ZRANB3: variants seen among roughly 807,000 people sequenced by gnomAD.
ZRANB3 encodes the protein zinc finger RANBP2-type containing 3.
In ZRANB3, 125 loss-of-function variants were observed where a neutral mutation model predicts 133.8. The observed-to-expected ratio is 0.93, with a 90% CI of 0.81 to 1.08. ZRANB3 has a LOEUF of 1.08. Ranked by LOEUF, ZRANB3 falls within the 50% of genes least tolerant of loss-of-function variation. The pLI, the probability that ZRANB3 is intolerant of heterozygous loss-of-function variation, is 0.00. For missense variants in ZRANB3, 1,229 were observed against 1,275.5 expected, an observed-to-expected ratio of 0.96 and a Z score of 0.56; for synonymous variants, 387 against 432.7, an observed-to-expected ratio of 0.89 and a Z score of 1.31.
At chr2:135,339,591 C>A (rs1454356616) in intron 6 of ZRANB3, among the ~76,000 whole-genome samples, 1 of 152,046 alleles carries the variant, frequency 6.6e-6, no homozygotes, top group African/African-American at 2.4e-5. Flanking sequence ...CAAAAAAAAC[C>A]CAAAACAGAT....
At chr2:135,353,361 A>G in intron 4 of ZRANB3, 89 bp downstream of exon 4, 1 of 809,424 alleles carries the variant, frequency 1.2e-6, no homozygotes, top group Admixed American at 3.5e-5. Context: ...ATTATTATCT[A>G]TTGGTGATAT....
intron 3 of ZRANB3, among the ~76,000 whole-genome samples, chr2:135,381,244 A>G (rs1377613797): frequency 6.6e-6 from 1 of 152,208 alleles, no homozygotes; most frequent in African/African-American, 2.4e-5. Flanking sequence ...CACGGAGCCT[A>G]GCTGATTGCT....
At chr2:135,458,859 A>G (rs1376508418) in intron 2 of ZRANB3, among the ~76,000 whole-genome samples, 3 of 152,166 alleles carry the variant, frequency 2.0e-5, no homozygotes, top group African/African-American at 7.2e-5. Flanking sequence ...TACTTTGACT[A>G]TAATCAAATA....
intron 1 of ZRANB3, chr2:135,530,502 C>A (rs1435016267): frequency 6.6e-6 from 1 of 152,260 alleles, no homozygotes; most frequent in Non-Finnish European, 1.5e-5. Flanking sequence ...ACTTGCCAGC[C>A]ACGCCACTTC....
chr2:135,384,617 C>T (rs573824623), intron 3 of ZRANB3, among the ~76,000 whole-genome samples: 4 of 151,632 alleles, frequency 2.6e-5, no homozygotes, highest in African/African-American at 9.7e-5. Context: ...AAACCGAATC[C>T]AGCAGCACAT....
intron 8 of ZRANB3, among the ~76,000 whole-genome samples, chr2:135,281,652 G>GA (rs1681107440): frequency 6.6e-6 from 1 of 152,180 alleles, no homozygotes; most frequent in African/African-American, 2.4e-5. Context: ...ACAGAAGACA[G>GA]AAGAACCTGG....
rs769271961 is a variant in ZRANB3 at position 135,418,925 on chromosome 2, C to CTTTTTTTTTT, written c.162-28115_162-28106dup. Among the ~76,000 whole-genome samples the CTTTTTTTTTT allele has an allele frequency of 2.4e-4, 21 of 85,896 alleles. 2 individuals carry two copies. The highest frequency in any genetic ancestry group is 5.4e-4 in the African/African-American group (12 of 22,110). 56.4% of individuals were successfully genotyped at this position (85,896 alleles called of 152,430 possible). Reference sequence around the variant, plus strand: ...AAGTAATGAAAAATAAGGATTCTCTCTTTTTTTTTTTTTTTTTTTTTTTTT... The same window carrying CTTTTTTTTTT: ...AAGTAATGAAAAATAAGGATTCTCTCTTTTTTTTTTTTTTTTTTTTTTTTTTTTTTTTTTT... On this transcript the variant is annotated intron_variant, in intron 2 of 20. Transcript: ENST00000264159.
chr2:135,204,147 C>T (rs1470748273), intron 19 of ZRANB3, among the ~76,000 whole-genome samples: 4 of 152,206 alleles, frequency 2.6e-5, no homozygotes, highest in Non-Finnish European at 4.4e-5. Flanking sequence ...TCACAAGAGG[C>T]AACAAGTTGG....
At chr2:135,389,804 AT>A (rs1687140917) in intron 3 of ZRANB3, among the ~76,000 whole-genome samples, 1 of 144,550 alleles carries the variant, frequency 6.9e-6, no homozygotes, top group Non-Finnish European at 1.5e-5. Context: ...TTCCACTTTT[AT>A]TTTTTAACAA....
intron 12 of ZRANB3, among the ~76,000 whole-genome samples, chr2:135,251,693 T>C (rs1229671365): frequency 2.0e-5 from 3 of 152,210 alleles, no homozygotes; most frequent in African/African-American, 7.2e-5. Context: ...TTTCTCCTCC[T>C]GCCATGATTC....
At chr2:135,530,315 T>C (rs779855221) in intron 1 of ZRANB3, among the ~76,000 whole-genome samples, 32 of 152,232 alleles carry the variant, frequency 2.1e-4, no homozygotes, top group Middle Eastern at 6.8e-3. Context: ...AGAGGTACTT[T>C]CTACAAATTT....
chr2:135,259,963 A>T (rs1163133477), intron 12 of ZRANB3, among the ~76,000 whole-genome samples: 1 of 152,158 alleles, frequency 6.6e-6, no homozygotes, highest in Non-Finnish European at 1.5e-5. Flanking sequence ...AAAGGCCCTA[A>T]AGAGGTTAAG....
At chr2:135,207,101 G>A (rs1195906845) in intron 19 of ZRANB3, among the ~76,000 whole-genome samples, 1 of 151,914 alleles carries the variant, frequency 6.6e-6, no homozygotes, top group Admixed American at 6.6e-5. Flanking sequence ...GGTGGCAGAG[G>A]TTGCAGTGAG....
At chr2:135,314,023 C>G (rs945947719) in intron 7 of ZRANB3, among the ~76,000 whole-genome samples, 1 of 152,122 alleles carries the variant, frequency 6.6e-6, no homozygotes, top group Non-Finnish European at 1.5e-5. Context: ...CGCCACCACG[C>G]CCAGCTAATT....
At chr2:135,278,312 A>G (rs1384931678) in intron 8 of ZRANB3, among the ~76,000 whole-genome samples, 1 of 152,198 alleles carries the variant, frequency 6.6e-6, no homozygotes, top group Non-Finnish European at 1.5e-5. Flanking sequence ...ACCAGAAATG[A>G]GAGAAAATGA....
At chr2:135,415,692 G>C (rs1688536133) in intron 2 of ZRANB3, among the ~76,000 whole-genome samples, 1 of 152,144 alleles carries the variant, frequency 6.6e-6, no homozygotes, top group Non-Finnish European at 1.5e-5. Context: ...GATGAACATT[G>C]ATGCAAGAAT....
chr2:135,273,539 A>AT lies in ZRANB3; in HGVS notation c.1087-1653dup, dbSNP rs577736500. ...CACCTCCAACCCCATGAATATCTACATTTTTTTTTTTTTGAGACGAAGTTT... is the reference window on the plus strand; with the variant it reads ...CACCTCCAACCCCATGAATATCTACATTTTTTTTTTTTTTGAGACGAAGTTT... On this transcript the variant is annotated intron_variant, in intron 9 of 20. Coordinates refer to ENST00000264159, the MANE Select transcript of ZRANB3 (RefSeq NM_032143.4). 4.7e-3 allele frequency among the ~76,000 whole-genome samples: 681 copies of AT among 144,832 alleles called. 4 individuals carry two copies. The highest frequency in any genetic ancestry group is 8.8e-3 in the African/African-American group (350 of 39,880).
chr2:135,316,982 A>AT lies in ZRANB3; in HGVS notation c.678-1453_678-1452insA, dbSNP rs1238354391. ...TCCGTCTCGAGAAAAAAAAAAAAAA[A>AT]AATATATATATATATATATACTTGC... is the stretch of plus-strand genomic sequence containing the variant. On this transcript the variant is annotated intron_variant, in intron 6 of 20. Coordinates refer to ENST00000264159, the MANE Select transcript of ZRANB3 (RefSeq NM_032143.4). Among the ~76,000 whole-genome samples the AT allele has an allele frequency of 4.6e-3, 652 of 140,838 alleles. 3 individuals are homozygous for AT. Among genetic ancestry groups the AT allele is most frequent in the African/African-American group, 9.5e-3 (328 of 34,696 alleles). 92.4% of individuals were successfully genotyped at this position (140,838 alleles called of 152,430 possible).
chr2:135,238,184 G>C (rs1324268558), intron 12 of ZRANB3, among the ~76,000 whole-genome samples: 2 of 152,194 alleles, frequency 1.3e-5, no homozygotes, highest in East Asian at 1.9e-4. Flanking sequence ...CAGAGGTGGA[G>C]TTGGGAACTA....
Sources: allele counts gnomAD v4.1 joint callset (sites outside exome capture counted in the v4.1 genomes callset), GRCh38; gene constraint gnomAD v4.1.1; transcripts MANE v1.5; gene names NCBI Gene and HGNC (gene_info 2026-07-23, HGNC 2026-07-21).